Variants in ARHGAP17 observed in about 807,000 individuals in gnomAD.
ARHGAP17 encodes Rho GTPase activating protein 17, also known as rho GTPase-activating protein 17.
A neutral mutation model predicts 99.5 loss-of-function variants in ARHGAP17; 57 were observed. The observed-to-expected ratio is 0.57, with a 90% CI of 0.46 to 0.71. ARHGAP17 has a LOEUF of 0.71. ARHGAP17 is among the 30% of genes least tolerant of loss of function. The pLI is 0.00. For missense variants in ARHGAP17, 1,000 were observed against 1,122.4 expected (o/e 0.89, Z 1.56); for synonymous variants, 417 against 429.6 (o/e 0.97, Z 0.36).
intron 19 of ARHGAP17, among the ~76,000 whole-genome samples, chr16:24,930,267 A>G (rs2050947252): frequency 6.6e-6 from 1 of 152,208 alleles, no homozygotes; most frequent in African/African-American, 2.4e-5. Context: ...TTTGGCATAA[A>G]TCATGTTTTT....
chr16:24,935,486 C>T lies in ARHGAP17; in HGVS notation c.1878G>A (p.Pro626=), dbSNP rs9921633. 12,859 of 1,603,352 alleles carry T rather than the reference C, an allele frequency of 8.0e-3. 557 individuals are homozygous for T. In the African/African-American group the frequency reaches 0.11, roughly 14 times the overall value. ...GQPHNAAGPS[P]HTLRRAVKKP... ...GCTGCTTACCTCGGCGCAGTGTATG[C>T]GGGCTGGGCCCTGCAGCATTGTGAG... Residue 626 remains proline (P), a synonymous_variant, in exon 18 of 20, where the codon CCG becomes CCA. Coordinates refer to ENST00000289968, the MANE Select transcript of ARHGAP17 (RefSeq NM_001006634.3).
At chr16:24,973,644 A>C (rs938376825) in intron 3 of ARHGAP17, among the ~76,000 whole-genome samples, 1 of 152,124 alleles carries the variant, frequency 6.6e-6, no homozygotes, top group South Asian at 2.1e-4. Context: ...GCCTCACCTA[A>C]CTACCTCCCT....
At position 24,931,387 on chromosome 16, in the gene ARHGAP17, G is replaced by A; in HGVS notation, c.1912C>T (p.Pro638Ser). The change falls in exon 19 of 20, where the codon CCA becomes TCA. Residue 638 changes from proline to serine, a missense_variant. Physicochemically the swap from Pro to Ser is moderately conservative, Grantham distance 74 (BLOSUM62 -1). Transcript: ENST00000289968. ...GGGTTGCCCGGTTTCGGGGGTGCTG[G>A]AGCGGGTTTTTTAACAGCTGCACAA... ...TLRRAVKKPA[P>S]APPKPGNPPP... 6.6e-7 allele frequency: 1 copy of A among 1,509,720 alleles called. No homozygotes were observed. The highest frequency in any genetic ancestry group is 8.8e-7 in the Non-Finnish European group (1 of 1,132,194). 93.5% of individuals were successfully genotyped at this position (1,509,720 alleles called of 1,614,324 possible). A position where few individuals can be genotyped will look rare whatever the true frequency, so the allele number is the denominator to read the frequency against.
At chr16:24,936,083 G>T in intron 17 of ARHGAP17, 1 of 290,300 alleles carries the variant, frequency 3.4e-6, no homozygotes, top group Non-Finnish European at 6.7e-6. Flanking sequence ...GACTTAAATT[G>T]GGCAGTACTT....
intron 1 of ARHGAP17, among the ~76,000 whole-genome samples, chr16:25,010,880 A>C (rs1428944215): frequency 6.6e-6 from 1 of 152,234 alleles, no homozygotes; most frequent in African/African-American, 2.4e-5. Flanking sequence ...TTGGGTTTAC[A>C]ACCTTGGGTT....
intron 3 of ARHGAP17, among the ~76,000 whole-genome samples, chr16:24,972,924 A>G (rs1313395321): frequency 1.4e-5 from 2 of 145,434 alleles, no homozygotes; most frequent in Non-Finnish European, 3.0e-5. Flanking sequence ...ACAGCTTTCT[A>G]TCATCAGGGA....
rs541478637 is a variant in ARHGAP17, at chr16:24,980,163, C to G, written c.54-1158G>C. ...TGCAAGAGCAGGAAAAGCTCTTGGG[C>G]CAGAAAGTAAATGAGACCCCTAGAA... On this transcript the variant is annotated intron_variant, in intron 1 of 19. Coordinates refer to ENST00000289968, the MANE Select transcript of ARHGAP17 (RefSeq NM_001006634.3). Among the ~76,000 whole-genome samples the G allele has an allele frequency of 2.0e-5, 3 of 152,218 alleles. No individual in the cohort carries two copies. In the South Asian group the frequency reaches 6.2e-4, roughly 32 times the overall value.
chr16:24,975,527 G>A (rs1318899351), intron 3 of ARHGAP17, among the ~76,000 whole-genome samples: 1 of 152,212 alleles, frequency 6.6e-6, no homozygotes, highest in Non-Finnish European at 1.5e-5. Flanking sequence ...TTTGAGGCAA[G>A]TGTGGAAGCA....
At chr16:24,964,132 C>T (rs2052098039) in intron 7 of ARHGAP17, 65 bp downstream of exon 7, 3 of 1,057,924 alleles carry the variant, frequency 2.8e-6, no homozygotes, top group Admixed American at 5.1e-5. Flanking sequence ...AAGTAACTTA[C>T]ATTTGAACTT....
intron 3 of ARHGAP17, among the ~76,000 whole-genome samples, chr16:24,976,574 A>T (rs1158685335): frequency 6.6e-6 from 1 of 151,882 alleles, no homozygotes; most frequent in Non-Finnish European, 1.5e-5. Context: ...GAAAGGGGAA[A>T]GGGGAAAGGG....
intron 1 of ARHGAP17, among the ~76,000 whole-genome samples, chr16:24,998,895 G>A (rs1045612890): frequency 2.0e-5 from 3 of 152,220 alleles, no homozygotes; most frequent in Non-Finnish European, 2.9e-5. Context: ...CAGGGCGGGA[G>A]GGACTGTGTG....
chr16:24,960,235 A>C (rs2051944769), intron 7 of ARHGAP17, among the ~76,000 whole-genome samples: 1 of 152,312 alleles, frequency 6.6e-6, no homozygotes. Flanking sequence ...ATGGTGTATT[A>C]ACATCTGGGT....
chr16:24,957,585 G>C (rs942718894), intron 9 of ARHGAP17: 1 of 152,270 alleles, frequency 6.6e-6, no homozygotes, highest in Non-Finnish European at 1.5e-5. Context: ...AATAAGGAAG[G>C]GACGGCCCAT....
chr16:24,930,683 G>A, intron 19 of ARHGAP17, 101 bp downstream of exon 19: 1 of 1,606,610 alleles, frequency 6.2e-7, no homozygotes, highest in Non-Finnish European at 8.5e-7. Flanking sequence ...TGCGGGTGTA[G>A]TTTGCTGACA....
intron 13 of ARHGAP17, chr16:24,949,188 G>A (rs1212807791): frequency 2.5e-6 from 1 of 406,292 alleles, no homozygotes; most frequent in South Asian, 6.3e-5. Flanking sequence ...GCCAACTTAC[G>A]TATTAATGTC....
chr16:24,981,991 T>A (rs2141373828), intron 1 of ARHGAP17, among the ~76,000 whole-genome samples: 1 of 152,312 alleles, frequency 6.6e-6, no homozygotes, highest in Non-Finnish European at 1.5e-5. Context: ...TATATGAAAA[T>A]GTTAATGTAC....
chr16:24,921,501 T>A (rs2050719620), intron 19 of ARHGAP17, among the ~76,000 whole-genome samples: 1 of 152,150 alleles, frequency 6.6e-6, no homozygotes, highest in South Asian at 2.1e-4. Flanking sequence ...TAGTTTTGAC[T>A]ATATTTCTGT....
intron 1 of ARHGAP17, among the ~76,000 whole-genome samples, chr16:24,981,383 T>C (rs957006159): frequency 2.6e-5 from 4 of 152,044 alleles, no homozygotes; most frequent in African/African-American, 9.7e-5. Flanking sequence ...AAATAATTGA[T>C]TGGACATAAT....
At chr16:25,007,984 C>G (rs12051256) in intron 1 of ARHGAP17, among the ~76,000 whole-genome samples, 39,535 of 152,064 alleles carry the variant, frequency 0.26, 6,024 homozygotes, top group East Asian at 0.51. Context: ...CTGTCCTATA[C>G]CCGCCTCCCA....
Sources: allele counts gnomAD v4.1 joint callset (sites outside exome capture counted in the v4.1 genomes callset), GRCh38; gene constraint gnomAD v4.1.1; transcripts MANE v1.5; gene names NCBI Gene and HGNC (gene_info 2026-07-23, HGNC 2026-07-21).